INTS9: variants seen among roughly 807,000 people sequenced by gnomAD.
The protein encoded by INTS9 is integrator complex subunit 9.
INTS9 carries 55 observed loss-of-function variants against 79.7 expected under a neutral mutation model. The ratio of observed to expected loss-of-function variants is 0.69; its 90% CI spans 0.56 to 0.86. The LOEUF (loss-of-function observed/expected upper bound fraction) is 0.86. Ranked by LOEUF, INTS9 falls within the 40% of genes least tolerant of loss-of-function variation. INTS9 has a pLI of 0.00. For synonymous variants in INTS9, 319 were observed against 325.2 expected (o/e 0.98, Z 0.20); for missense variants, 721 against 831.5 (o/e 0.87, Z 1.64).
chr8:28,820,494 G>A (rs956539545), intron 6 of INTS9, among the ~76,000 whole-genome samples: 1 of 152,208 alleles, frequency 6.6e-6, no homozygotes, highest in Non-Finnish European at 1.5e-5. Context: ...AGTTTCTGCT[G>A]AGAGATCAGC....
At position 28,837,699 on chromosome 8, in the gene INTS9, G is replaced by A. The variant is rs748307187; in HGVS notation, c.339C>T (p.Ile113=). 6.8e-6 allele frequency: 11 copies of A among 1,613,892 alleles called. No individual in the cohort carries two copies. The African/African-American group carries it at 9.3e-5, about 14-fold the overall frequency. The change falls in exon 5 of 17, where the codon ATC becomes ATT. Residue 113 remains isoleucine, a synonymous_variant. Coordinates refer to ENST00000521022, the MANE Select transcript of INTS9 (RefSeq NM_018250.4). ...NYHCMMALPY[I]TEHTGFTGTV... is the part of the protein sequence containing the mutation. ...TGCCTGTGAAGCCGGTGTGCTCGGT[G>A]ATGTATGGCAGCGCCATCATACAGT...
intron 5 of INTS9, among the ~76,000 whole-genome samples, 171 bp downstream of exon 5, chr8:28,837,466 C>G (rs1305397264): frequency 6.6e-6 from 1 of 152,218 alleles, no homozygotes; most frequent in Non-Finnish European, 1.5e-5. Context: ...AATCCTTAGG[C>G]ATTTCCAATG....
intron 1 of INTS9, among the ~76,000 whole-genome samples, chr8:28,878,877 G>T (rs1478785544): frequency 1.3e-5 from 2 of 151,950 alleles, no homozygotes; most frequent in East Asian, 1.9e-4. Flanking sequence ...CTATTCTGGA[G>T]GCTGAGGCAT....
intron 14 of INTS9, among the ~76,000 whole-genome samples, chr8:28,772,592 G>A (rs897947032): frequency 7.2e-5 from 11 of 151,814 alleles, no homozygotes; most frequent in African/African-American, 2.7e-4. Context: ...TAGATCACAA[G>A]GTCAGGAGAT....
At chr8:28,787,391 G>T (rs1179644846) in intron 11 of INTS9, among the ~76,000 whole-genome samples, 1 of 152,210 alleles carries the variant, frequency 6.6e-6, no homozygotes, top group East Asian at 1.9e-4. Flanking sequence ...TCATCATGCA[G>T]TCAGTAGAAC....
chr8:28,830,407 G>C (rs1342229403), intron 6 of INTS9, among the ~76,000 whole-genome samples: 1 of 152,082 alleles, frequency 6.6e-6, no homozygotes, highest in Non-Finnish European at 1.5e-5. Context: ...GCTGAGGTGG[G>C]CGGATCACTT....
At chr8:28,832,276 C>T (rs1806538139) in intron 6 of INTS9, among the ~76,000 whole-genome samples, 1 of 152,170 alleles carries the variant, frequency 6.6e-6, no homozygotes, top group African/African-American at 2.4e-5. Context: ...TGTGGTACTG[C>T]ACCAGGGCAG....
At chr8:28,779,130 C>T (rs1393055239) in intron 12 of INTS9, among the ~76,000 whole-genome samples, 1 of 152,196 alleles carries the variant, frequency 6.6e-6, no homozygotes, top group Non-Finnish European at 1.5e-5. Context: ...TGTCGAGTCA[C>T]CACTCAGCAG....
rs142345043 is a variant in INTS9 at position 28,786,340 on chromosome 8, A to T, written c.1098+1489T>A. Reference sequence around the variant, plus strand: ...TCTGTCACCCAGACTGGTGTGCAGTAAGTAGCACGATTGCAGTTCACTGCA... The same window carrying T: ...TCTGTCACCCAGACTGGTGTGCAGTTAGTAGCACGATTGCAGTTCACTGCA... On this transcript the variant is annotated intron_variant, in intron 11 of 16. Transcript: ENST00000521022. Among the ~76,000 whole-genome samples, 3 of 151,880 alleles carry T rather than the reference A, an allele frequency of 2.0e-5. No homozygotes were observed. The East Asian group carries it at 5.8e-4, about 29-fold the overall frequency.
chr8:28,870,492 G>A (rs779782647), intron 1 of INTS9, among the ~76,000 whole-genome samples: 2 of 151,554 alleles, frequency 1.3e-5, no homozygotes, highest in African/African-American at 4.9e-5. Flanking sequence ...AATGGTTAAC[G>A]AAATGGTAAA....
intron 12 of INTS9, among the ~76,000 whole-genome samples, chr8:28,779,649 C>T (rs935389812): frequency 3.3e-5 from 5 of 152,184 alleles, no homozygotes; most frequent in Middle Eastern, 3.2e-3. Flanking sequence ...GCCTCACCTC[C>T]GCGAACACCT....
At chr8:28,772,604 A>G (rs192965758) in intron 14 of INTS9, among the ~76,000 whole-genome samples, 24 of 152,150 alleles carry the variant, frequency 1.6e-4, no homozygotes, top group East Asian at 5.8e-4. Context: ...TCAGGAGATC[A>G]AGACCATCCT....
At chr8:28,880,145 T>C (rs967745498) in intron 1 of INTS9, among the ~76,000 whole-genome samples, 47 of 151,980 alleles carry the variant, frequency 3.1e-4, no homozygotes, top group Non-Finnish European at 6.0e-4. Context: ...TGGAAAAAAA[T>C]AGAGGAAAGA....
chr8:28,842,030 G>A (rs1359395271), intron 4 of INTS9, among the ~76,000 whole-genome samples: 1 of 152,178 alleles, frequency 6.6e-6, no homozygotes, highest in Non-Finnish European at 1.5e-5. Flanking sequence ...CGAGGCTGGA[G>A]TGAATTATGG....
intron 6 of INTS9, among the ~76,000 whole-genome samples, chr8:28,831,844 G>A (rs1284640551): frequency 1.3e-5 from 2 of 152,064 alleles, no homozygotes; most frequent in Non-Finnish European, 2.9e-5. Flanking sequence ...AACTACAGGT[G>A]CCCACCACTA....
chr8:28,813,848 C>T (rs1450286530), intron 6 of INTS9: 1 of 373,546 alleles, frequency 2.7e-6, no homozygotes. Flanking sequence ...GCAACCTCCA[C>T]CTCCCGGGTT....
chr8:28,804,515 A>C (rs1303523143), intron 8 of INTS9, among the ~76,000 whole-genome samples: 1 of 150,052 alleles, frequency 6.7e-6, no homozygotes, highest in Non-Finnish European at 1.5e-5. Flanking sequence ...ATGAAGGTTC[A>C]CAGAACACCA....
At chr8:28,814,072 A>T (rs1232898845) in intron 6 of INTS9, among the ~76,000 whole-genome samples, 5 of 138,512 alleles carry the variant, frequency 3.6e-5, no homozygotes, top group African/African-American at 1.5e-4. Flanking sequence ...TCTTTTTTTA[A>T]AAAAAAAAAA....
At chr8:28,884,168 C>CTTTTTTTTTTTTT (rs35799882) in intron 1 of INTS9, among the ~76,000 whole-genome samples, 2 of 46,946 alleles carry the variant, frequency 4.3e-5, no homozygotes, top group Non-Finnish European at 3.7e-5. Context: ...ATCAGTGTAT[C>CTTTTTTTTTTTTT]TTTTTTTTTT....
Sources: allele counts gnomAD v4.1 joint callset (sites outside exome capture counted in the v4.1 genomes callset), GRCh38; gene constraint gnomAD v4.1.1; transcripts MANE v1.5; gene names NCBI Gene and HGNC (gene_info 2026-07-23, HGNC 2026-07-21).